Variants in CYYR1 observed in about 807,000 individuals in gnomAD.
CYYR1 encodes the protein cysteine and tyrosine rich 1, also known as cysteine and tyrosine-rich protein 1.
In CYYR1, 14 loss-of-function variants were observed where a neutral mutation model predicts 15.2. That is an observed-to-expected ratio of 0.92 (90% CI 0.61 to 1.44). The LOEUF (loss-of-function observed/expected upper bound fraction) is 1.44. Ranked by LOEUF, CYYR1 falls within the 40% of genes most tolerant of loss-of-function variation. CYYR1 has a pLI of 0.00. For synonymous variants in CYYR1, 80 were observed against 77.4 expected (o/e 1.03, Z -0.18); for missense variants, 228 against 209.5 (o/e 1.09, Z -0.54).
chr21:26,529,606 C>G (rs1469776076), intron 2 of CYYR1, among the ~76,000 whole-genome samples: 1 of 152,194 alleles, frequency 6.6e-6, no homozygotes, highest in Non-Finnish European at 1.5e-5. Context: ...GACTTGCAGG[C>G]TAGCTGAACC....
chr21:26,527,682 G>C (rs1331198084), intron 2 of CYYR1, among the ~76,000 whole-genome samples: 1 of 152,072 alleles, frequency 6.6e-6, no homozygotes, highest in Non-Finnish European at 1.5e-5. Flanking sequence ...AGAAAGCTCA[G>C]CTCCTCCAGA....
chr21:26,504,171 C>T (rs2065521832), intron 2 of CYYR1, among the ~76,000 whole-genome samples: 1 of 152,048 alleles, frequency 6.6e-6, no homozygotes, highest in Non-Finnish European at 1.5e-5. Context: ...AATTTGTCAC[C>T]AGTAACAGAC....
chr21:26,568,468 G>T (rs2123744410), intron 1 of CYYR1: 1 of 152,232 alleles, frequency 6.6e-6, no homozygotes, highest in African/African-American at 2.4e-5. Flanking sequence ...AACTGAAAAT[G>T]GATTAAAGAT....
chr21:26,517,419 A>T (rs907223019), intron 2 of CYYR1, among the ~76,000 whole-genome samples: 2 of 152,150 alleles, frequency 1.3e-5, no homozygotes, highest in African/African-American at 4.8e-5. Flanking sequence ...AGAAAAACTT[A>T]TTTGTCTATC....
At chr21:26,521,013 C>T (rs151049775) in intron 2 of CYYR1, among the ~76,000 whole-genome samples, 175 of 152,260 alleles carry the variant, frequency 1.1e-3, no homozygotes, top group African/African-American at 4.0e-3. Context: ...AGGGGAACAA[C>T]ACATACTGGG....
intron 2 of CYYR1, among the ~76,000 whole-genome samples, chr21:26,503,092 T>G (rs974755203): frequency 1.3e-5 from 2 of 152,118 alleles, no homozygotes; most frequent in South Asian, 2.1e-4. Context: ...CAGGGCTCAA[T>G]TTTAGAGCTG....
rs559782105 is a variant in CYYR1 at position 26,486,682 on chromosome 21, G to C, written c.177-6253C>G. ...CAAGATATTAAATGTATCTATGGTG[G>C]CTGAAATAATATGAAACTGTCTTTT... On this transcript the variant is annotated intron_variant, in intron 2 of 3. Coordinates refer to ENST00000652641, the MANE Select transcript of CYYR1 (RefSeq NM_001320768.2). 2.0e-4 allele frequency among the ~76,000 whole-genome samples: 31 copies of C among 151,998 alleles called. 1 individual carries two copies. The East Asian group carries it at 3.3e-3, about 16-fold the overall frequency.
intron 2 of CYYR1, among the ~76,000 whole-genome samples, chr21:26,510,532 G>A (rs1201436367): frequency 6.6e-6 from 1 of 152,154 alleles, no homozygotes; most frequent in Admixed American, 6.6e-5. Flanking sequence ...AGCTTGTGTG[G>A]TATCTTCTGT....
At chr21:26,534,351 T>C (rs1406915722) in intron 2 of CYYR1, among the ~76,000 whole-genome samples, 1 of 152,194 alleles carries the variant, frequency 6.6e-6, no homozygotes, top group African/African-American at 2.4e-5. Context: ...GGCAGTGGCC[T>C]CTCTATTGCA....
At chr21:26,512,927 A>T (rs999901050) in intron 2 of CYYR1, among the ~76,000 whole-genome samples, 7 of 152,192 alleles carry the variant, frequency 4.6e-5, no homozygotes, top group Non-Finnish European at 1.0e-4. Context: ...CATCAAAGTA[A>T]GTGCTTTTCT....
chr21:26,534,948 C>T (rs1015599644), intron 2 of CYYR1, among the ~76,000 whole-genome samples: 1 of 152,014 alleles, frequency 6.6e-6, no homozygotes, highest in Non-Finnish European at 1.5e-5. Context: ...TATAACTATT[C>T]CCATTTTACA....
At chr21:26,550,310 T>TC (rs1387826230) in intron 2 of CYYR1, 4 of 152,122 alleles carry the variant, frequency 2.6e-5, no homozygotes, top group Non-Finnish European at 4.4e-5. Context: ...TCTTTCTCTC[T>TC]CCCCTCAGGC....
At chr21:26,498,647 T>C (rs921336069) in intron 2 of CYYR1, among the ~76,000 whole-genome samples, 2 of 152,212 alleles carry the variant, frequency 1.3e-5, no homozygotes, top group African/African-American at 2.4e-5. Flanking sequence ...TATTAGTCTA[T>C]TCTCATGTTA....
chr21:26,504,664 A>G (rs2065530573), intron 2 of CYYR1, among the ~76,000 whole-genome samples: 1 of 152,124 alleles, frequency 6.6e-6, no homozygotes. Context: ...AAATAATCCA[A>G]TTACATTCTT....
At chr21:26,562,781 C>A (rs929104750) in intron 2 of CYYR1, among the ~76,000 whole-genome samples, 1 of 113,156 alleles carries the variant, frequency 8.8e-6, no homozygotes, top group Admixed American at 9.2e-5. Flanking sequence ...CAAACACACA[C>A]ACACAGAGAC....
chr21:26,548,350 T>C (rs906201295), intron 2 of CYYR1, among the ~76,000 whole-genome samples: 2 of 152,182 alleles, frequency 1.3e-5, no homozygotes, highest in Admixed American at 6.5e-5. Context: ...ATTTGTCTAA[T>C]GATTATTATT....
intron 3 of CYYR1, among the ~76,000 whole-genome samples, chr21:26,478,494 A>G (rs9977420): frequency 0.037 from 5,690 of 152,224 alleles, 326 homozygotes; most frequent in African/African-American, 0.13. Flanking sequence ...AATAAAAAGA[A>G]CAGCCAACTC....
intron 1 of CYYR1, chr21:26,567,879 A>G (rs1286089619): frequency 1.3e-5 from 2 of 152,222 alleles, no homozygotes; most frequent in Non-Finnish European, 2.9e-5. Flanking sequence ...AGTCACCATT[A>G]ACAATTATGC....
intron 2 of CYYR1, among the ~76,000 whole-genome samples, chr21:26,537,414 TA>T (rs1201528676): frequency 6.6e-6 from 1 of 152,154 alleles, no homozygotes; most frequent in Non-Finnish European, 1.5e-5. Context: ...ATTGCAATAC[TA>T]AAAAGCTCTC....
Sources: gnomAD v4.1 joint callset for allele counts (sites outside exome capture counted in the v4.1 genomes callset) on GRCh38, gnomAD v4.1.1 for gene constraint, MANE v1.5 for transcripts, NCBI Gene and HGNC (gene_info 2026-07-23, HGNC 2026-07-21) for gene names.